The following FAM221B variants were observed in gnomAD, a reference collection of about 807,000 sequenced individuals.
FAM221B encodes the protein family with sequence similarity 221 member B, also known as protein FAM221B.
Under a neutral mutation model 39.8 loss-of-function variants are expected in FAM221B, and 35 were observed. That is an observed-to-expected ratio of 0.88 (90% CI 0.67 to 1.17). FAM221B has a LOEUF of 1.17. Ranked by LOEUF, FAM221B falls within the 50% of genes most tolerant of loss-of-function variation. FAM221B has a pLI of 0.00. For synonymous variants in FAM221B, 158 were observed against 178.1 expected, an observed-to-expected ratio of 0.89 and a Z score of 0.90; for missense variants, 479 against 503.1, an observed-to-expected ratio of 0.95 and a Z score of 0.46.
rs751761954 is a variant in FAM221B, at chr9:35,825,350, G to C, written c.622C>G (p.Pro208Ala). ...TCCACCAGCTCTGTCTGCCTAGCAG[G>C]GAACACTGGGCGGGCTGTGTTACCT... is the stretch of plus-strand genomic sequence containing the variant. ...QLGNTARPVF[P>A]ARQTELVEVA... The change falls in exon 3 of 7, where the codon CCT becomes GCT. Residue 208 changes from proline to alanine, a missense_variant. Physicochemically the swap from Pro to Ala is conservative, Grantham distance 27. Coordinates refer to ENST00000423537, the MANE Select transcript of FAM221B (RefSeq NM_001012446.4). The surrounding 1 kb of genome is among the most constrained non-coding windows in gnomAD (Gnocchi z 4.2). 56 of 1,614,080 alleles carry C rather than the reference G, an allele frequency of 3.5e-5. No homozygotes were observed. The highest frequency in any genetic ancestry group is 4.5e-5 in the Non-Finnish European group (53 of 1,180,048).
At chr9:35,821,733 A>G in intron 3 of FAM221B, 1 of 605,776 alleles carries the variant, frequency 1.7e-6, no homozygotes, top group Non-Finnish European at 2.7e-6. Flanking sequence ...TGTAGGAATC[A>G]GTGCCCAGCA....
rs1055125591 is a variant in FAM221B at position 35,825,996 on chromosome 9, A to T, written c.166T>A (p.Ser56Thr). The T allele has an allele frequency of 3.7e-6, 6 of 1,613,954 alleles. No individual in the cohort carries two copies. The highest frequency in any genetic ancestry group is 5.1e-6 in the Non-Finnish European group (6 of 1,180,020). The change falls in exon 2 of 7, where the codon TCC becomes ACC. Residue 56 changes from serine to threonine, a missense_variant. Transcript: ENST00000423537. The surrounding 1 kb of genome is among the most constrained non-coding windows in gnomAD (Gnocchi z 4.2). ...ETPLEPHTSE[S>T]PLVPSPSQIP... ...TGGGAAGGGGATGGCACCAAAGGGG[A>T]TTCAGAGGTATGGGGCTCTAACGGG...
rs150840026 is a variant in FAM221B at position 35,822,556 on chromosome 9, C to T, written c.743-2556G>A. ...CCAAGTAGCTGGGATTACAGGTGTC[C>T]GCCACCACACCCGGCTAATTTTTTG... On this transcript the variant is annotated intron_variant, in intron 3 of 6. Coordinates refer to ENST00000423537, the MANE Select transcript of FAM221B (RefSeq NM_001012446.4). Among the ~76,000 whole-genome samples, 435 of 152,164 alleles carry T rather than the reference C, an allele frequency of 2.9e-3. 1 individual carries two copies. Among genetic ancestry groups the T allele is most frequent in the African/African-American group, 9.2e-3 (383 of 41,506 alleles).
chr9:35,822,801 C>T (rs1829179951), intron 3 of FAM221B, among the ~76,000 whole-genome samples: 1 of 152,194 alleles, frequency 6.6e-6, no homozygotes, highest in African/African-American at 2.4e-5. Context: ...ATTCACTTGC[C>T]TTTCCATACC....
chr9:35,826,238 G>A (rs1470963569), intron 1 of FAM221B, 77 bp from the exon 2 acceptor site: 9 of 1,108,300 alleles, frequency 8.1e-6, no homozygotes, highest in African/African-American at 6.3e-5. Context: ...CCCAGGGTTC[G>A]CAGTGCATTA....
At position 35,818,981 on chromosome 9, in the gene FAM221B, A is replaced by C. The variant is rs1444766989; in HGVS notation, c.1080T>G (p.Asn360Lys). Residue 360 changes from asparagine to lysine, a missense_variant, in exon 6 of 7, where the codon AAT (asparagine) becomes AAG (lysine). Asn to Lys is a moderately conservative substitution (Grantham distance 94). Coordinates refer to ENST00000423537, the MANE Select transcript of FAM221B (RefSeq NM_001012446.4). ...GCCGGTCACAGGCCGCACAGAGGAAATTAGACTCAAAACAGCCGCAGCAAC... is the reference window on the plus strand; with the variant it reads ...GCCGGTCACAGGCCGCACAGAGGAACTTAGACTCAAAACAGCCGCAGCAAC... Reference protein sequence around the residue: ...HGCCCGCFESNFLCAACDRRW... With the variant: ...HGCCCGCFESKFLCAACDRRW... 6.4e-7 allele frequency: 1 copy of C among 1,551,724 alleles called. No individual in the cohort carries two copies. Among genetic ancestry groups the C allele is most frequent in the Non-Finnish European group, 8.7e-7 (1 of 1,147,000 alleles).
Position 35,825,206 on chromosome 9 carries a change from C to T in FAM221B, c.742+24G>A, listed in dbSNP as rs1480897683. Reference sequence around the variant, plus strand: ...GGATGCCCATGGGCCTGTCACAGGCCTCTGAAAGGCCACATGGGCTCACCT... The same window carrying T: ...GGATGCCCATGGGCCTGTCACAGGCTTCTGAAAGGCCACATGGGCTCACCT... On this transcript the variant is annotated intron_variant, in intron 3 of 6. Transcript: ENST00000423537. The surrounding 1 kb of genome is among the most constrained non-coding windows in gnomAD (Gnocchi z 4.2). 6.2e-6 allele frequency: 10 copies of T among 1,613,860 alleles called. No individual in the cohort carries two copies. The highest frequency in any genetic ancestry group is 8.5e-6 in the Non-Finnish European group (10 of 1,179,910).
Position 35,825,458 on chromosome 9 carries a change from T to TCTC in FAM221B, c.599-88_599-86dup. 1.3e-6 allele frequency: 2 copies of TCTC among 1,593,198 alleles called. No homozygotes were observed. Among genetic ancestry groups the TCTC allele is most frequent in the South Asian group, 2.2e-5 (2 of 89,430 alleles). On this transcript the variant is annotated intron_variant, in intron 2 of 6. Transcript: ENST00000423537. This position sits in a 1 kb window ranked among gnomAD's most constrained non-coding sequence, Gnocchi z 4.2. ...GGGGCCATGTCCAAGAGTAACCCAGTCTCCTCCTCCTGGGGCAAGTCAAGG... is the reference window on the plus strand; with the variant it reads ...GGGGCCATGTCCAAGAGTAACCCAGTCTCCTCCTCCTCCTGGGGCAAGTCAAGG...
chr9:35,825,887 G>T lies in FAM221B; in HGVS notation c.275C>A (p.Ala92Asp), dbSNP rs1447107368. Reference sequence around the variant, plus strand: ...CACTGAGATGGGACTATCCAATGAAGCCTCATAGGTAGGGGTCTCTGAAGG... The same window carrying T: ...CACTGAGATGGGACTATCCAATGAATCCTCATAGGTAGGGGTCTCTGAAGG... ...ETPSETPTYE[A>D]SLDSPISVVP... Residue 92 changes from alanine (A) to aspartate (D), a missense_variant, in exon 2 of 7, where the codon GCT (alanine) becomes GAT (aspartate). Coordinates refer to ENST00000423537, the MANE Select transcript of FAM221B (RefSeq NM_001012446.4). The surrounding 1 kb of genome is among the most constrained non-coding windows in gnomAD (Gnocchi z 4.2). The T allele has an allele frequency of 6.2e-7, 1 of 1,614,056 alleles. No homozygotes were observed. Among genetic ancestry groups the T allele is most frequent in the African/African-American group, 1.3e-5 (1 of 74,914 alleles).
intron 4 of FAM221B, 49 bp downstream of exon 4, chr9:35,819,841 G>T: frequency 7.4e-7 from 1 of 1,355,600 alleles, no homozygotes; most frequent in Non-Finnish European, 1.1e-6. Flanking sequence ...ACATGACAGA[G>T]TACAGTTATT....
rs1829532037 is a variant in FAM221B at position 35,828,567 on chromosome 9, G to C, written c.-105C>G. On this transcript the variant is annotated 5_prime_UTR_variant, in exon 1 of 7. It adds an upstream start codon to the 5' untranslated region. Transcript: ENST00000423537. This position sits in a 1 kb window ranked among gnomAD's most constrained non-coding sequence, Gnocchi z 4.5. ...CAGGGAGGAAAGGCTCTTGGTTGTG[G>C]ATGTGCCTCAGCTGCAGGTGCTGAG... The C allele has an allele frequency of 2.0e-6, 2 of 985,370 alleles. No individual in the cohort carries two copies. The highest frequency in any genetic ancestry group is 2.4e-6 in the Non-Finnish European group (2 of 829,976). The allele number at this position is 985,370 out of a possible 1,614,324, so 61.0% of individuals were successfully genotyped here. A position where few individuals can be genotyped will look rare whatever the true frequency, so the allele number is the denominator to read the frequency against.
At position 35,821,591 on chromosome 9, in the gene FAM221B, G is replaced by A. The variant is rs1394779891; in HGVS notation, c.743-1591C>T. ...ATAGGCAGTCACAATGCAGGTGGGCGGGAGCCAGGATTCCACTAGAGGAGT... is the reference window on the plus strand; with the variant it reads ...ATAGGCAGTCACAATGCAGGTGGGCAGGAGCCAGGATTCCACTAGAGGAGT... On this transcript the variant is annotated intron_variant, in intron 3 of 6. Transcript: ENST00000423537. The A allele has an allele frequency of 5.8e-6, 8 of 1,367,728 alleles. No individual in the cohort carries two copies. In the East Asian group the frequency reaches 1.4e-4, roughly 23 times the overall value. 84.7% of individuals were successfully genotyped at this position (1,367,728 alleles called of 1,614,324 possible). A position where few individuals can be genotyped will look rare whatever the true frequency, so the allele number is the denominator to read the frequency against.
rs1829055943 is a variant in FAM221B at position 35,818,136 on chromosome 9, C to T, written c.*333G>A. On this transcript the variant is annotated 3_prime_UTR_variant, in exon 7 of 7. Transcript: ENST00000423537. Reference sequence around the variant, plus strand: ...TGCACCAGTGTGAAACTGCACTCTCCGATGTTCCCAAAGATCTTCTAATTG... The same window carrying T: ...TGCACCAGTGTGAAACTGCACTCTCTGATGTTCCCAAAGATCTTCTAATTG... 9.2e-6 allele frequency: 3 copies of T among 326,860 alleles called. No homozygotes were observed. Among genetic ancestry groups the T allele is most frequent in the South Asian group, 3.6e-5 (1 of 27,546 alleles). 20.2% of individuals were successfully genotyped at this position (326,860 alleles called of 1,614,324 possible).
rs1385114491 is a variant in FAM221B at position 35,816,467 on chromosome 9, T to C, written c.*2002A>G. 6.6e-6 allele frequency: 1 copy of C among 151,844 alleles called. No homozygotes were observed. The highest frequency in any genetic ancestry group is 1.5e-5 in the Non-Finnish European group (1 of 67,982). 9.4% of individuals were successfully genotyped at this position (151,844 alleles called of 1,614,324 possible). A position where few individuals can be genotyped will look rare whatever the true frequency, so the allele number is the denominator to read the frequency against. On this transcript the variant is annotated 3_prime_UTR_variant, in exon 7 of 7. Coordinates refer to ENST00000423537, the MANE Select transcript of FAM221B (RefSeq NM_001012446.4). ...TAATTGTTGAATGAATAACATTTGG[T>C]GTTTCCTGTCTTTTTTTCATAATAT... is the stretch of plus-strand genomic sequence containing the variant.
rs774855989 is a variant in FAM221B, at chr9:35,819,983, G to A, written c.760C>T (p.Arg254Cys). Residue 254 changes from arginine to cysteine, a missense_variant, in exon 4 of 7, where the codon CGC (arginine) becomes TGC (cysteine). Transcript: ENST00000423537. ...CAGTCCCATAGGTAATGGGGGCAGC[G>A]CCAGCCAATGTAGAGACCTAGGTAT... ...AIQTGLYIGW[R>C]CPHYLWDCFR... 8.1e-6 allele frequency: 13 copies of A among 1,613,126 alleles called. No individual in the cohort carries two copies. The highest frequency in any genetic ancestry group is 4.5e-5 in the East Asian group (2 of 44,886).
At position 35,819,197 on chromosome 9, in the gene FAM221B, C is replaced by G; in HGVS notation, c.1051G>C (p.Gly351Arg). 6.4e-7 allele frequency: 1 copy of G among 1,550,888 alleles called. No homozygotes were observed. The highest frequency in any genetic ancestry group is 8.7e-7 in the Non-Finnish European group (1 of 1,146,510). ...ATGPHPCRHHGCCCGCFESNF... is the reference protein window; with the variant it reads ...ATGPHPCRHHRCCCGCFESNF... ...ATACACCTCTTGCCCTAGAAGTTAC[C>G]ATGATGCCTGCAGGGATGGGGCCCA... The change falls in exon 5 of 7, where the codon GGC (glycine) becomes CGC (arginine). Residue 351 changes from glycine (G) to arginine (R), a missense_variant and splice_region_variant. Physicochemically the swap from Gly to Arg is moderately radical, Grantham distance 125. Coordinates refer to ENST00000423537, the MANE Select transcript of FAM221B (RefSeq NM_001012446.4).
intron 3 of FAM221B, among the ~76,000 whole-genome samples, chr9:35,823,107 C>G (rs1829186302): frequency 6.6e-6 from 1 of 152,218 alleles, no homozygotes; most frequent in South Asian, 2.1e-4. Flanking sequence ...TTACAGCACT[C>G]TTTACTTGGC....
chr9:35,819,223 G>T lies in FAM221B; in HGVS notation c.1025C>A (p.Thr342Asn). 1 of 1,551,652 alleles carries T rather than the reference G, an allele frequency of 6.4e-7. No homozygotes were observed. Among genetic ancestry groups the T allele is most frequent in the Non-Finnish European group, 8.7e-7 (1 of 1,146,972 alleles). Residue 342 changes from threonine (T) to asparagine (N), a missense_variant, in exon 5 of 7, where the codon ACT becomes AAT. Thr to Asn is a moderately conservative substitution (Grantham distance 65). Transcript: ENST00000423537. ...ATGATGCCTGCAGGGATGGGGCCCA[G>T]TGGCTGCATGTTCTTCGTGGCTGTG... ...CKHSHEEHAA[T>N]GPHPCRHHGC...
chr9:35,818,591 C>G (rs1829064651), intron 6 of FAM221B, 85 bp from the exon 7 acceptor site: 1 of 1,355,200 alleles, frequency 7.4e-7, no homozygotes, highest in Non-Finnish European at 1.0e-6. Context: ...AACCAGGGAG[C>G]CCCGGGGGAC....
Sources: allele counts gnomAD v4.1 joint callset (sites outside exome capture counted in the v4.1 genomes callset), GRCh38; gene constraint gnomAD v4.1.1; non-coding constraint Gnocchi (gnomAD v3.1); transcripts MANE v1.5; gene names NCBI Gene and HGNC (gene_info 2026-07-23, HGNC 2026-07-21).